Variants in ACSBG2 observed in about 807,000 individuals in gnomAD.
ACSBG2 encodes long-chain-fatty-acid--CoA ligase ACSBG2.
A neutral mutation model predicts 74.7 loss-of-function variants in ACSBG2; 62 were observed. The observed-to-expected ratio is 0.83, with a 90% confidence interval of 0.68 to 1.03. The LOEUF is 1.03. ACSBG2 is among the 50% of genes least tolerant of loss of function. The pLI is 0.00. For synonymous variants in ACSBG2, 309 were observed against 294.1 expected (o/e 1.05, Z -0.52); for missense variants, 730 against 817.6 (o/e 0.89, Z 1.31).
At position 6,183,168 on chromosome 19, in the gene ACSBG2, C is replaced by A. The variant is rs1319283947; in HGVS notation, c.1218C>A (p.Ala406=). 9 of 1,614,218 alleles carry A rather than the reference C, an allele frequency of 5.6e-6. No individual in the cohort carries two copies. Among genetic ancestry groups the A allele is most frequent in the Admixed American group, 3.3e-5 (2 of 60,016 alleles). ...SGTAPLNQET[A]EFFLSLDIPI... ...CTGCGCCCCTCAACCAAGAGACTGCCGAGTTCTTTCTAAGCTTGGACATAC... is the reference window on the plus strand; with the variant it reads ...CTGCGCCCCTCAACCAAGAGACTGCAGAGTTCTTTCTAAGCTTGGACATAC... Residue 406 remains alanine (A), a synonymous_variant, in exon 10 of 15, where the codon GCC becomes GCA. Transcript: ENST00000588485.
chr19:6,187,874 T>TC (rs1568259438), intron 13 of ACSBG2, 29 bp downstream of exon 13: 1 of 1,609,114 alleles, frequency 6.2e-7, no homozygotes, highest in East Asian at 2.2e-5. Flanking sequence ...TGGAGGCTGG[T>TC]CCCTTGTTAG....
chr19:6,157,352 T>A (rs2089459943), intron 5 of ACSBG2, among the ~76,000 whole-genome samples: 1 of 152,154 alleles, frequency 6.6e-6, no homozygotes, highest in Admixed American at 6.5e-5. Flanking sequence ...GGTCAGGAGT[T>A]TGAGACCAGT....
chr19:6,172,725 T>C (rs775547881), intron 7 of ACSBG2, among the ~76,000 whole-genome samples: 9 of 152,150 alleles, frequency 5.9e-5, no homozygotes, highest in Admixed American at 1.3e-4. Context: ...AGTAGCAAGA[T>C]TTTTGTTTGG....
At position 6,178,299 on chromosome 19, in the gene ACSBG2, G is replaced by C. The variant is rs1208615243; in HGVS notation, c.906+903G>C. On this transcript the variant is annotated intron_variant, in intron 8 of 14. Transcript: ENST00000588485. ...TCTTTTCCAGTTTGGTGAAGTTTTT[G>C]CATACATGTCCAGTTGCTCCATCTG... 3.3e-5 allele frequency among the ~76,000 whole-genome samples: 5 copies of C among 152,046 alleles called. No homozygotes were observed. The South Asian group carries it at 1.0e-3, about 32-fold the overall frequency.
intron 6 of ACSBG2, among the ~76,000 whole-genome samples, chr19:6,164,190 T>C (rs1306747159): frequency 6.6e-6 from 1 of 152,186 alleles, no homozygotes; most frequent in East Asian, 1.9e-4. Flanking sequence ...TCCAGTCATT[T>C]GTGGCTGTGG....
chr19:6,141,651 A>G, intron 2 of ACSBG2, 41 bp downstream of exon 2: 1 of 1,267,926 alleles, frequency 7.9e-7, no homozygotes, highest in African/African-American at 1.5e-5. Context: ...AGAGTGGCAC[A>G]TTGATTCCAC....
chr19:6,137,851 T>A (rs1374599255), intron 1 of ACSBG2, among the ~76,000 whole-genome samples: 1 of 152,048 alleles, frequency 6.6e-6, no homozygotes, highest in African/African-American at 2.4e-5. Flanking sequence ...TTTCACCGTG[T>A]GAACCATGGC....
intron 5 of ACSBG2, among the ~76,000 whole-genome samples, chr19:6,157,453 A>T (rs1198552424): frequency 6.6e-6 from 1 of 152,138 alleles, no homozygotes; most frequent in Non-Finnish European, 1.5e-5. Context: ...GCTACTGGGG[A>T]GGCTGAGGCT....
chr19:6,165,175 G>A (rs926302418), intron 6 of ACSBG2, among the ~76,000 whole-genome samples: 5 of 152,198 alleles, frequency 3.3e-5, no homozygotes, highest in African/African-American at 1.2e-4. Context: ...AATGTGCCCA[G>A]GCTCTATTTT....
intron 13 of ACSBG2, among the ~76,000 whole-genome samples, chr19:6,188,896 G>A (rs1438778985): frequency 6.6e-6 from 1 of 152,176 alleles, no homozygotes; most frequent in African/African-American, 2.4e-5. Flanking sequence ...TAGTTTCACT[G>A]GTATGCAGGA....
At chr19:6,167,689 A>T (rs1198994401) in intron 7 of ACSBG2, among the ~76,000 whole-genome samples, 1 of 152,112 alleles carries the variant, frequency 6.6e-6, no homozygotes, top group African/African-American at 2.4e-5. Context: ...GAGCAATATC[A>T]CGGGCCCAGG....
At chr19:6,150,340 C>CAAAA (rs780596761) in intron 3 of ACSBG2, among the ~76,000 whole-genome samples, 1,024 of 68,366 alleles carry the variant, frequency 0.015, 5 homozygotes, top group Non-Finnish European at 0.022. Flanking sequence ...GGATATTTAA[C>CAAAA]AAAAAAAAAA....
At chr19:6,169,858 ATTC>A (rs1285254244) in intron 7 of ACSBG2, among the ~76,000 whole-genome samples, 1 of 152,170 alleles carries the variant, frequency 6.6e-6, no homozygotes, top group Admixed American at 6.6e-5. Flanking sequence ...ATGGGATTGA[ATTC>A]TTGATTTGGT....
At chr19:6,188,075 TCACTCTG>T (rs1169591906) in intron 13 of ACSBG2, among the ~76,000 whole-genome samples, 1 of 152,186 alleles carries the variant, frequency 6.6e-6, no homozygotes, top group Non-Finnish European at 1.5e-5. Context: ...GACCTTTCAT[TCACTCTG>T]CACCAACTCT....
At chr19:6,153,842 T>C (rs1367674898) in intron 4 of ACSBG2, among the ~76,000 whole-genome samples, 7 of 88,362 alleles carry the variant, frequency 7.9e-5, no homozygotes, top group Admixed American at 1.5e-4. Context: ...AGTGAGACCC[T>C]GTCTGGAAAA....
intron 7 of ACSBG2, chr19:6,176,442 A>C (rs112997455): frequency 0.011 from 15,485 of 1,395,902 alleles, 346 homozygotes; most frequent in African/African-American, 0.086. Flanking sequence ...CATCCACGTG[A>C]TCTGTAACAT....
rs548526397 is a variant in ACSBG2 at position 6,158,779 on chromosome 19, G to A, written c.507+2228G>A. Among the ~76,000 whole-genome samples the A allele has an allele frequency of 2.0e-5, 3 of 152,112 alleles. No homozygotes were observed. In the East Asian group the frequency reaches 5.8e-4, roughly 29 times the overall value. ...ACATTTTATTCTCTCCGAAATTTGG[G>A]TACAGTTTCCAGATTCAATGAAATC... On this transcript the variant is annotated intron_variant, in intron 5 of 14. Coordinates refer to ENST00000588485, the MANE Select transcript of ACSBG2 (RefSeq NM_030924.5).
chr19:6,154,612 A>G (rs1181140011), intron 4 of ACSBG2, among the ~76,000 whole-genome samples: 1 of 151,274 alleles, frequency 6.6e-6, no homozygotes, highest in African/African-American at 2.4e-5. Context: ...CCCGGGTTCA[A>G]GTGATTCTCC....
At chr19:6,138,433 A>T (rs1243592281) in intron 1 of ACSBG2, among the ~76,000 whole-genome samples, 3 of 145,686 alleles carry the variant, frequency 2.1e-5, no homozygotes, top group Non-Finnish European at 4.5e-5. Context: ...GAGCTGATGG[A>T]ATTAGCTAAT....
Sources: gnomAD v4.1 joint callset for allele counts (sites outside exome capture counted in the v4.1 genomes callset) on GRCh38, gnomAD v4.1.1 for gene constraint, MANE v1.5 for transcripts, NCBI Gene and HGNC (gene_info 2026-07-23, HGNC 2026-07-21) for gene names.